ANXA8: variants seen among roughly 807,000 people sequenced by gnomAD.
ANXA8 encodes VAC-beta.
In ANXA8, 9 loss-of-function variants were observed where a neutral mutation model predicts 26.8. The ratio of observed to expected loss-of-function variants is 0.34; its 90% CI spans 0.20 to 0.59. The LOEUF (loss-of-function observed/expected upper bound fraction) is 0.59. ANXA8 is among the 20% of genes least tolerant of loss of function. The pLI, the probability that ANXA8 is intolerant of heterozygous loss-of-function variation, is 0.84. For synonymous variants in ANXA8, 39 were observed against 94.8 expected, an observed-to-expected ratio of 0.41 and a Z score of 3.42; for missense variants, 83 against 238.5, an observed-to-expected ratio of 0.35 and a Z score of 4.29.
the ANXA8 span, chr10:47,581,702 G>A: frequency 3.6e-6 from 1 of 277,796 alleles, no homozygotes; most frequent in South Asian, 3.5e-5. Context: ...TGCCTCCTGG[G>A]TTCATGCCAT....
In ANXA8 at chr10:47,468,395, TGATA is replaced by T. The variant is rs1238702807; in HGVS notation, c.*448_*451del. ...GCTCCCAGCCAGCTCTCCGGCTGCA[TGATA>T]GAGAAGTGTTTTGTAAGACGCTTGT... is the stretch of plus-strand genomic sequence containing the variant. On this transcript the variant is annotated 3_prime_UTR_variant, in exon 12 of 12. Coordinates refer to ENST00000585281, the MANE Select transcript of ANXA8 (RefSeq NM_001040084.3). 9.8e-6 allele frequency: 2 copies of T among 203,476 alleles called. No individual in the cohort carries two copies. Among genetic ancestry groups the T allele is most frequent in the African/African-American group, 4.7e-5 (2 of 42,866 alleles). The allele number at this position is 203,476 out of a possible 1,614,324, so 12.6% of individuals were successfully genotyped here.
At chr10:47,502,515 C>G in the ANXA8 span, 36 of 1,612,998 alleles carry the variant, frequency 2.2e-5, no homozygotes, top group Middle Eastern at 6.8e-4. Context: ...TGTTGGCTAG[C>G]TCATTGCCAA....
chr10:47,589,939 A>AGATAGAT, the ANXA8 span, among the ~76,000 whole-genome samples: 1 of 145,016 alleles, frequency 6.9e-6, no homozygotes, highest in African/African-American at 2.9e-5. Flanking sequence ...ATAGATAGAT[A>AGATAGAT]GATAGATAGT....
At chr10:47,975,134 G>A in the ANXA8 span, among the ~76,000 whole-genome samples, 1 of 148,776 alleles carries the variant, frequency 6.7e-6, no homozygotes, top group African/African-American at 2.4e-5. Context: ...CCATAGTTCA[G>A]CCTCATCATC....
chr10:47,705,982 G>A, the ANXA8 span, among the ~76,000 whole-genome samples: 3 of 151,048 alleles, frequency 2.0e-5, no homozygotes, highest in African/African-American at 7.3e-5. Flanking sequence ...GCTGACGCCG[G>A]CCGGTCACGT....
the ANXA8 span, among the ~76,000 whole-genome samples, chr10:47,645,781 C>T: frequency 1.3e-5 from 2 of 150,142 alleles, no homozygotes; most frequent in African/African-American, 5.1e-5. Context: ...TATCTATGGG[C>T]ATCCTTCAAT....
chr10:47,493,611 C>G, the ANXA8 span, among the ~76,000 whole-genome samples: 20 of 150,864 alleles, frequency 1.3e-4, no homozygotes, highest in African/African-American at 4.7e-4. Flanking sequence ...CACCAGTCCC[C>G]GCTTTCAGGA....
the ANXA8 span, among the ~76,000 whole-genome samples, chr10:47,957,459 G>C: frequency 1.3e-5 from 2 of 150,524 alleles, no homozygotes; most frequent in African/African-American, 2.5e-5. Context: ...CTCTGGTCCC[G>C]GCCTCAGTCA....
chr10:47,474,121 T>G, intron 8 of ANXA8, 56 bp from the exon 9 acceptor site: 1 of 496,330 alleles, frequency 2.0e-6, no homozygotes, highest in South Asian at 2.2e-5. Flanking sequence ...TGCCCCTCAG[T>G]GTCTCGGATC....
In ANXA8 at chr10:47,476,443, G is replaced by A. The variant is rs1447436386; in HGVS notation, c.322-121C>T. ...ACCTCACTGCCCTGCCCCACTTGAA[G>A]TGGGAGGATGTGATGAGAAAATCAC... On this transcript the variant is annotated intron_variant, in intron 4 of 11. Transcript: ENST00000585281. 1.1e-3 allele frequency: 1,167 copies of A among 1,074,150 alleles called. 88 individuals carry two copies. The highest frequency in any genetic ancestry group is 1.4e-3 in the Non-Finnish European group (1,099 of 770,080). The allele number at this position is 1,074,150 out of a possible 1,614,324, so 66.5% of individuals were successfully genotyped here. A position where few individuals can be genotyped will look rare whatever the true frequency, so the allele number is the denominator to read the frequency against.
chr10:47,651,136 G>A, the ANXA8 span, among the ~76,000 whole-genome samples: 1 of 151,414 alleles, frequency 6.6e-6, no homozygotes, highest in Non-Finnish European at 1.5e-5. Context: ...TGCCGTCGAG[G>A]CTGCAGTGAG....
At chr10:47,606,019 T>G in the ANXA8 span, among the ~76,000 whole-genome samples, 1 of 150,248 alleles carries the variant, frequency 6.7e-6, no homozygotes, top group Non-Finnish European at 1.5e-5. Flanking sequence ...AACCACACTT[T>G]AAGCAAGAAC....
the ANXA8 span, among the ~76,000 whole-genome samples, chr10:47,944,549 G>A: frequency 1.9e-4 from 28 of 150,848 alleles, no homozygotes; most frequent in East Asian, 8.2e-4. Flanking sequence ...CCCACATGTC[G>A]TGGGAGGGGC....
chr10:47,686,925 CG>C, the ANXA8 span, among the ~76,000 whole-genome samples: 5 of 149,262 alleles, frequency 3.3e-5, no homozygotes, highest in East Asian at 2.0e-4. Context: ...TTTGTGGGGG[CG>C]GGGGGGTTGG....
chr10:47,604,992 A>G, the ANXA8 span, among the ~76,000 whole-genome samples: 1 of 151,340 alleles, frequency 6.6e-6, no homozygotes, highest in Non-Finnish European at 1.5e-5. Flanking sequence ...ATACTTCATG[A>G]GATGCTTTAT....
At chr10:47,700,503 C>A in the ANXA8 span, among the ~76,000 whole-genome samples, 1 of 151,658 alleles carries the variant, frequency 6.6e-6, no homozygotes, top group East Asian at 1.9e-4. Flanking sequence ...TAATAAACAC[C>A]ATATGGATTA....
chr10:47,743,250 A>G, the ANXA8 span, among the ~76,000 whole-genome samples: 1 of 112,956 alleles, frequency 8.9e-6, no homozygotes, highest in Non-Finnish European at 1.7e-5. Context: ...GGCTTCATAT[A>G]TATATATATA....
At chr10:47,521,841 C>A in the ANXA8 span, among the ~76,000 whole-genome samples, 11 of 150,768 alleles carry the variant, frequency 7.3e-5, no homozygotes, top group Non-Finnish European at 1.6e-4. Context: ...AGTGCATTGG[C>A]GTGATCTCTG....
the ANXA8 span, among the ~76,000 whole-genome samples, chr10:47,901,770 C>T: frequency 2.1e-5 from 3 of 146,072 alleles, no homozygotes; most frequent in Non-Finnish European, 4.5e-5. Flanking sequence ...TTATTTTTTT[C>T]ATATTACTTA....
Sources: allele counts gnomAD v4.1 joint callset (sites outside exome capture counted in the v4.1 genomes callset), GRCh38; gene constraint gnomAD v4.1.1; transcripts MANE v1.5; gene names NCBI Gene and HGNC (gene_info 2026-07-23, HGNC 2026-07-21).